The following RPH3A variants were observed in gnomAD, a reference collection of about 807,000 sequenced individuals.
RPH3A encodes rabphilin-3A.
A neutral mutation model predicts 102.2 loss-of-function variants in RPH3A; 48 were observed. The ratio of observed to expected loss-of-function variants is 0.47; its 90% CI spans 0.37 to 0.60. The LOEUF (loss-of-function observed/expected upper bound fraction) is 0.60. RPH3A is among the 20% of genes least tolerant of loss of function. The probability of loss-of-function intolerance (pLI) is 0.00; values close to 1 mark genes in which losing one functional copy is unlikely to be tolerated. For synonymous variants in RPH3A, 310 were observed against 324.3 expected (o/e 0.96, Z 0.47); for missense variants, 781 against 910.1 (o/e 0.86, Z 1.83).
chr12:112,627,135 A>G (rs1364695300), intron 1 of RPH3A, among the ~76,000 whole-genome samples: 1 of 144,838 alleles, frequency 6.9e-6, no homozygotes, highest in Non-Finnish European at 1.5e-5. Context: ...GGTGCAGCGC[A>G]CCAGCATGGC....
chr12:112,836,426 T>A (rs765224841), intron 3 of RPH3A, 65 bp from the exon 4 acceptor site: 65 of 953,526 alleles, frequency 6.8e-5, no homozygotes, highest in Non-Finnish European at 9.8e-5. Flanking sequence ...AGTGTAGATA[T>A]TGTTATGATT....
intron 1 of RPH3A, among the ~76,000 whole-genome samples, chr12:112,758,749 A>G (rs1481231995): frequency 6.6e-6 from 1 of 152,182 alleles, no homozygotes; most frequent in Non-Finnish European, 1.5e-5. Flanking sequence ...ACAAAATGCT[A>G]TAATGCACTT....
Position 112,616,436 on chromosome 12 carries a change from C to T in RPH3A, c.-140+41117C>T, listed in dbSNP as rs369050626. ...TGCTGGGATTGCAGGTGTGAGCCACCGCGCGCAGTCTGGATCCATTCTTGA... is the reference window on the plus strand; with the variant it reads ...TGCTGGGATTGCAGGTGTGAGCCACTGCGCGCAGTCTGGATCCATTCTTGA... On this transcript the variant is annotated intron_variant, in intron 1 of 21. Transcript: ENST00000543106. 8.5e-5 allele frequency among the ~76,000 whole-genome samples: 13 copies of T among 152,292 alleles called. No individual in the cohort carries two copies. The East Asian group carries it at 1.5e-3, about 18-fold the overall frequency.
intron 1 of RPH3A, among the ~76,000 whole-genome samples, chr12:112,679,705 C>T (rs1330479323): frequency 6.6e-6 from 1 of 152,252 alleles, no homozygotes; most frequent in Non-Finnish European, 1.5e-5. Flanking sequence ...GGATTACAGG[C>T]ATGAGCCACC....
chr12:112,753,617 G>A (rs2040800728), intron 1 of RPH3A, among the ~76,000 whole-genome samples: 1 of 152,118 alleles, frequency 6.6e-6, no homozygotes, highest in South Asian at 2.1e-4. Context: ...AGAGAAGTAT[G>A]CTCCTTTCTC....
Position 112,876,877 on chromosome 12 carries a change from C to T in RPH3A, c.1171+11C>T, listed in dbSNP as rs529791077. The T allele has an allele frequency of 1.3e-6, 2 of 1,567,228 alleles. No homozygotes were observed. Among genetic ancestry groups the T allele is most frequent in the African/African-American group, 2.7e-5 (2 of 73,500 alleles). Reference sequence around the variant, plus strand: ...ATTCGGATGAAGCAAGTAGGTGGTGCCTAAGGGAGAGGTATCTTGGAAAAA... The same window carrying T: ...ATTCGGATGAAGCAAGTAGGTGGTGTCTAAGGGAGAGGTATCTTGGAAAAA... On this transcript the variant is annotated intron_variant, in intron 13 of 21. Transcript: ENST00000389385.
chr12:112,667,770 G>A (rs2040098072), intron 1 of RPH3A, among the ~76,000 whole-genome samples: 1 of 151,576 alleles, frequency 6.6e-6, no homozygotes, highest in African/African-American at 2.4e-5. Flanking sequence ...GGCCACCTTG[G>A]AGGATCACTG....
intron 1 of RPH3A, among the ~76,000 whole-genome samples, chr12:112,727,191 T>C (rs530805978): frequency 4.6e-5 from 7 of 151,756 alleles, no homozygotes; most frequent in Non-Finnish European, 8.8e-5. Flanking sequence ...TAGACAATTT[T>C]AATATCAAAG....
intron 1 of RPH3A, among the ~76,000 whole-genome samples, chr12:112,712,959 T>TC (rs2040480226): frequency 8.8e-6 from 1 of 113,188 alleles, no homozygotes; most frequent in South Asian, 3.5e-4. Context: ...TTCTTCTTCT[T>TC]CTTCTTTCTT....
At chr12:112,891,128 CAAGG>C in intron 19 of RPH3A, 125 bp downstream of exon 19, 1 of 1,100,984 alleles carries the variant, frequency 9.1e-7, no homozygotes, top group Non-Finnish European at 1.3e-6. Context: ...GGAACCTGCC[CAAGG>C]TCACAGTGAA....
chr12:112,712,996 TTCCTCTTCCTCTTCC>T (rs2040482109), intron 1 of RPH3A, among the ~76,000 whole-genome samples: 1 of 77,638 alleles, frequency 1.3e-5, no homozygotes, highest in Non-Finnish European at 2.5e-5. Flanking sequence ...CGTCTTTGTC[TTCCTCTTCCTCTTCC>T]TCTTCCTCTT....
intron 1 of RPH3A, among the ~76,000 whole-genome samples, chr12:112,666,585 T>A (rs1254840042): frequency 6.6e-6 from 1 of 152,162 alleles, no homozygotes; most frequent in Admixed American, 6.5e-5. Flanking sequence ...AGGAAGACTT[T>A]TTTTGTCAGC....
upstream of RPH3A, among the ~76,000 whole-genome samples, chr12:112,790,836 C>T (rs1238611807): frequency 1.3e-5 from 2 of 152,240 alleles, no homozygotes; most frequent in Non-Finnish European, 2.9e-5. Context: ...GAGGTTGGCA[C>T]ATGCCATCCT....
Position 112,828,305 on chromosome 12 carries a change from A to G in RPH3A, c.-14A>G, listed in dbSNP as rs1420916877. On this transcript the variant is annotated 5_prime_UTR_variant, in exon 3 of 22. Transcript: ENST00000389385. ...CTCTGGATTGATGTTTTCCAGGAGC[A>G]CTAGACATCTACTATGACTGACACC... is the stretch of plus-strand genomic sequence containing the variant. The G allele has an allele frequency of 1.2e-6, 2 of 1,609,318 alleles. No individual in the cohort carries two copies. The highest frequency in any genetic ancestry group is 1.7e-5 in the Admixed American group (1 of 59,728).
chr12:112,700,387 T>C (rs1442899577), intron 1 of RPH3A, among the ~76,000 whole-genome samples: 1 of 152,196 alleles, frequency 6.6e-6, no homozygotes, highest in Admixed American at 6.5e-5. Context: ...GAGAGAAGAA[T>C]TTTTGTCAGA....
rs35952537 is a variant in RPH3A at position 112,725,250 on chromosome 12, GAAAAAAAAAAAAA to G, written c.-139-66876_-139-66864del. Among the ~76,000 whole-genome samples, 86 of 63,068 alleles carry G rather than the reference GAAAAAAAAAAAAA, an allele frequency of 1.4e-3. No individual in the cohort carries two copies. In the South Asian group the frequency reaches 0.024, roughly 18 times the overall value. The allele number at this position is 63,068 out of a possible 152,430, so 41.4% of individuals were successfully genotyped here. On this transcript the variant is annotated intron_variant, in intron 1 of 21. Coordinates refer to the RPH3A transcript ENST00000543106. Reference sequence around the variant, plus strand: ...GGTGACAGAGCAAGACTTTGTCTCAGAAAAAAAAAAAAAAAAAAAAAAAAAAAAACACGTTTTA... The same window carrying G: ...GGTGACAGAGCAAGACTTTGTCTCAGAAAAAAAAAAAAAAAACACGTTTTA...
At chr12:112,800,455 C>T (rs2136102873) in intron 2 of RPH3A, among the ~76,000 whole-genome samples, 1 of 152,254 alleles carries the variant, frequency 6.6e-6, no homozygotes, top group Admixed American at 6.5e-5. Context: ...TTAGACAGGA[C>T]CTCCCAGGGT....
intron 1 of RPH3A, among the ~76,000 whole-genome samples, chr12:112,648,878 G>A (rs986387210): frequency 5.3e-5 from 8 of 152,082 alleles, no homozygotes; most frequent in Non-Finnish European, 1.2e-4. Context: ...GGAATGCAGT[G>A]GTGCAGTCTC....
rs1398981706 is a variant in RPH3A, at chr12:112,755,296, TATAC to T, written c.-139-36845_-139-36842del. 8.6e-3 allele frequency among the ~76,000 whole-genome samples: 820 copies of T among 95,208 alleles called. 11 individuals are homozygous for T. The highest frequency in any genetic ancestry group is 0.039 in the African/African-American group (737 of 18,974). 62.5% of individuals were successfully genotyped at this position (95,208 alleles called of 152,430 possible). On this transcript the variant is annotated intron_variant, in intron 1 of 21. Transcript: ENST00000543106. ...AAGTAAAATTGAATATATATATGTA[TATAC>T]ACACACACACACACACACACACACA...
Sources: allele counts gnomAD v4.1 joint callset (sites outside exome capture counted in the v4.1 genomes callset), GRCh38; gene constraint gnomAD v4.1.1; transcripts MANE v1.5; gene names NCBI Gene and HGNC (gene_info 2026-07-23, HGNC 2026-07-21).